Variants in ZYX observed in about 807,000 individuals in gnomAD.
The protein encoded by ZYX is zyxin, also known as zyxin-2.
ZYX carries 37 observed loss-of-function variants against 58.1 expected under a neutral mutation model. The observed-to-expected ratio is 0.64, with a 90% CI of 0.49 to 0.84. ZYX has a LOEUF of 0.84. Among genes scored for constraint, ZYX ranks in the 40% least tolerant of loss-of-function variants. The pLI, the probability that ZYX is intolerant of heterozygous loss-of-function variation, is 0.00. For missense variants in ZYX, 762 were observed against 761.6 expected, an observed-to-expected ratio of 1.00 and a Z score of -0.01; for synonymous variants, 324 against 321.1, an observed-to-expected ratio of 1.01 and a Z score of -0.10.
Position 143,382,947 on chromosome 7 carries a change from T to C in ZYX, c.648T>C (p.Ala216=). The C allele has an allele frequency of 6.2e-7, 1 of 1,613,710 alleles. No homozygotes were observed. Among genetic ancestry groups the C allele is most frequent in the Non-Finnish European group, 8.5e-7 (1 of 1,179,748 alleles). Residue 216 remains alanine (A), a synonymous_variant, in exon 5 of 10, where the codon GCT becomes GCC. Coordinates refer to ENST00000322764, the MANE Select transcript of ZYX (RefSeq NM_003461.5). ...CTCTGCCCCAGGTTCCGGCTCCGGC[T>C]CAGAGCCAGACACAGTTCCATGTTC... ...SQPLPQVPAP[A]QSQTQFHVQP...
In ZYX at chr7:143,390,061, C is replaced by T. The variant is rs1805014282; in HGVS notation, c.1614+84C>T. The T allele has an allele frequency of 1.9e-6, 3 of 1,566,148 alleles. No individual in the cohort carries two copies. The highest frequency in any genetic ancestry group is 2.6e-6 in the Non-Finnish European group (3 of 1,149,006). On this transcript the variant is annotated intron_variant, in intron 9 of 9. Transcript: ENST00000322764. The surrounding 1 kb of genome is among the most constrained non-coding windows in gnomAD (Gnocchi z 4.3). ...TGCTTACTAACTGGGAGGTGGAAAG[C>T]ACCAGCATTCAGGAAACAGGGCTGT...
rs1804770396 is a variant in ZYX at position 143,384,084 on chromosome 7, T to G, written c.1023+762T>G. 1 of 441,034 alleles carries G rather than the reference T, an allele frequency of 2.3e-6. No individual in the cohort carries two copies. The highest frequency in any genetic ancestry group is 4.7e-6 in the Non-Finnish European group (1 of 211,548). 27.3% of individuals were successfully genotyped at this position (441,034 alleles called of 1,614,324 possible). A position where few individuals can be genotyped will look rare whatever the true frequency, so the allele number is the denominator to read the frequency against. On this transcript the variant is annotated intron_variant, in intron 5 of 9. Coordinates refer to ENST00000322764, the MANE Select transcript of ZYX (RefSeq NM_003461.5). The surrounding 1 kb of genome is among the most constrained non-coding windows in gnomAD (Gnocchi z 4.9). The stretch of plus-strand genomic sequence containing the variant: ...CTGTAATTACAAAATGGTTCTTGCC[T>G]TCTAGTTCAGGAAATAAGATCGTCC...
At chr7:143,382,173 A>T in intron 2 of ZYX, 75 bp from the exon 3 acceptor site, 1 of 1,258,428 alleles carries the variant, frequency 7.9e-7, no homozygotes, top group Non-Finnish European at 1.1e-6. Context: ...GTTAGGGGTT[A>T]GAGCGGTTAA....
Position 143,388,154 on chromosome 7 carries a change from C to A in ZYX, c.1024-65C>A. On this transcript the variant is annotated intron_variant, in intron 5 of 9. Coordinates refer to ENST00000322764, the MANE Select transcript of ZYX (RefSeq NM_003461.5). This position sits in a 1 kb window ranked among gnomAD's most constrained non-coding sequence, Gnocchi z 7.5. ...GCCTCATCGGAAGAAGCCGGGTAGG[C>A]TGGCCTGGGAAGGTTCTTGGAGGCA... 6.6e-7 allele frequency: 1 copy of A among 1,526,382 alleles called. No individual in the cohort carries two copies. The highest frequency in any genetic ancestry group is 1.2e-5 in the South Asian group (1 of 80,950). 94.6% of individuals were successfully genotyped at this position (1,526,382 alleles called of 1,614,324 possible). A position where few individuals can be genotyped will look rare whatever the true frequency, so the allele number is the denominator to read the frequency against.
Position 143,388,195 on chromosome 7 carries a change from G to A in ZYX, c.1024-24G>A. 1 of 1,579,542 alleles carries A rather than the reference G, an allele frequency of 6.3e-7. No homozygotes were observed. Among genetic ancestry groups the A allele is most frequent in the Non-Finnish European group, 8.6e-7 (1 of 1,162,630 alleles). The stretch of plus-strand genomic sequence containing the variant: ...CTTGGAGGCAGCAGCCCTCTAGAGT[G>A]TGAGGAAAATGTTGGGATTGCAGGT... On this transcript the variant is annotated intron_variant, in intron 5 of 9. Coordinates refer to ENST00000322764, the MANE Select transcript of ZYX (RefSeq NM_003461.5). The surrounding 1 kb of genome is among the most constrained non-coding windows in gnomAD (Gnocchi z 7.5).
chr7:143,388,397 G>A lies in ZYX; in HGVS notation c.1144+58G>A, dbSNP rs1804944179. On this transcript the variant is annotated intron_variant, in intron 6 of 9. Transcript: ENST00000322764. The surrounding 1 kb of genome is among the most constrained non-coding windows in gnomAD (Gnocchi z 7.5). ...GCCCCCACATCACGGTGGGGGCCAG[G>A]GCTGTGGCTCCACTCCCTATCTGAG... 1.9e-6 allele frequency: 3 copies of A among 1,609,538 alleles called. No individual in the cohort carries two copies. The highest frequency in any genetic ancestry group is 2.5e-6 in the Non-Finnish European group (3 of 1,177,014).
At chr7:143,381,830 G>A in intron 2 of ZYX, 51 bp downstream of exon 2, 1 of 1,469,682 alleles carries the variant, frequency 6.8e-7, no homozygotes, top group East Asian at 2.5e-5. Context: ...GGGGTGGGGG[G>A]CAGTCGTTTC....
At chr7:143,385,484 A>G (rs935397863) in intron 5 of ZYX, among the ~76,000 whole-genome samples, 5 of 151,392 alleles carry the variant, frequency 3.3e-5, no homozygotes, top group African/African-American at 1.2e-4. Flanking sequence ...GTATGTGTAT[A>G]TGAGTACATG....
rs74875039 is a variant in ZYX at position 143,387,358 on chromosome 7, C to T, written c.1024-861C>T. Among the ~76,000 whole-genome samples the T allele has an allele frequency of 1.6e-3, 251 of 152,176 alleles. 1 individual carries two copies. The highest frequency in any genetic ancestry group is 2.4e-3 in the Non-Finnish European group (161 of 67,986). ...GGAATGAAGGCATCTGCAGGTAGCA[C>T]ACTCAGTGATGGGGCCACAGTCCTG... On this transcript the variant is annotated intron_variant, in intron 5 of 9. Coordinates refer to ENST00000322764, the MANE Select transcript of ZYX (RefSeq NM_003461.5). This position sits in a 1 kb window ranked among gnomAD's most constrained non-coding sequence, Gnocchi z 5.8.
chr7:143,387,523 C>T lies in ZYX; in HGVS notation c.1024-696C>T, dbSNP rs113339382. 3.3e-5 allele frequency among the ~76,000 whole-genome samples: 5 copies of T among 152,280 alleles called. No individual in the cohort carries two copies. Among genetic ancestry groups the T allele is most frequent in the African/African-American group, 1.2e-4 (5 of 41,558 alleles). On this transcript the variant is annotated intron_variant, in intron 5 of 9. Coordinates refer to ENST00000322764, the MANE Select transcript of ZYX (RefSeq NM_003461.5). This position sits in a 1 kb window ranked among gnomAD's most constrained non-coding sequence, Gnocchi z 5.8. The stretch of plus-strand genomic sequence containing the variant: ...CTCTCAGGGTTACTGGCAGCGCTGT[C>T]CTTAACATCCACCCCCCACTCCAGT...
chr7:143,388,659 G>C lies in ZYX; in HGVS notation c.1314+1G>C. On this transcript the variant is annotated splice_donor_variant, in intron 7 of 9. Coordinates refer to ENST00000322764, the MANE Select transcript of ZYX (RefSeq NM_003461.5). LOFTEE classifies it high-confidence loss of function. This position sits in a 1 kb window ranked among gnomAD's most constrained non-coding sequence, Gnocchi z 7.5. ...GCCGTACTGCGAGGGCTGTTACACT[G>C]TGAGTCGGGCTGTGCTGGGCTGTGC... The C allele has an allele frequency of 6.2e-7, 1 of 1,610,922 alleles. No homozygotes were observed. Among genetic ancestry groups the C allele is most frequent in the Non-Finnish European group, 8.5e-7 (1 of 1,178,406 alleles).
At position 143,388,434 on chromosome 7, in the gene ZYX, C is replaced by T. The variant is rs1804945221; in HGVS notation, c.1145-55C>T. Reference sequence around the variant, plus strand: ...ACTCCCTATCTGAGCTGGCTGATCCCTCGCAGCTCTACATACTTCCTTCTA... The same window carrying T: ...ACTCCCTATCTGAGCTGGCTGATCCTTCGCAGCTCTACATACTTCCTTCTA... On this transcript the variant is annotated intron_variant, in intron 6 of 9. Coordinates refer to ENST00000322764, the MANE Select transcript of ZYX (RefSeq NM_003461.5). This position sits in a 1 kb window ranked among gnomAD's most constrained non-coding sequence, Gnocchi z 7.5. 1 of 1,604,798 alleles carries T rather than the reference C, an allele frequency of 6.2e-7. No homozygotes were observed. The highest frequency in any genetic ancestry group is 8.5e-7 in the Non-Finnish European group (1 of 1,173,638).
At chr7:143,385,377 A>G (rs1320053743) in intron 5 of ZYX, among the ~76,000 whole-genome samples, 1 of 150,066 alleles carries the variant, frequency 6.7e-6, no homozygotes, top group African/African-American at 2.5e-5. Flanking sequence ...TGTGTGTGTT[A>G]GTGTGTGGGT....
At chr7:143,381,520 C>G in intron 1 of ZYX, 37 bp from the exon 2 acceptor site, 2 of 1,571,474 alleles carry the variant, frequency 1.3e-6, no homozygotes, top group East Asian at 2.4e-5. Flanking sequence ...GCTCCTGAGC[C>G]CGGCTCCGCG....
At position 143,390,093 on chromosome 7, in the gene ZYX, G is replaced by C; in HGVS notation, c.1614+116G>C. 1.4e-6 allele frequency: 2 copies of C among 1,475,032 alleles called. No individual in the cohort carries two copies. The allele number at this position is 1,475,032 out of a possible 1,614,324, so 91.4% of individuals were successfully genotyped here. On this transcript the variant is annotated intron_variant, in intron 9 of 9. Transcript: ENST00000322764. The surrounding 1 kb of genome is among the most constrained non-coding windows in gnomAD (Gnocchi z 4.3). ...ATTCAGGAAACAGGGCTGTGATTTT[G>C]AGGGTGGCTCATGGTGGCACCCCAT...
rs1361573306 is a variant in ZYX, at chr7:143,384,193, T to C, written c.1023+871T>C. On this transcript the variant is annotated intron_variant, in intron 5 of 9. Transcript: ENST00000322764. This position sits in a 1 kb window ranked among gnomAD's most constrained non-coding sequence, Gnocchi z 4.9. ...TGATAGTGTTGATGTCTACCTACACTCGGACACAGCATAGGAAGAAATGCC... is the reference window on the plus strand; with the variant it reads ...TGATAGTGTTGATGTCTACCTACACCCGGACACAGCATAGGAAGAAATGCC... The C allele has an allele frequency of 1.3e-5, 6 of 471,622 alleles. No individual in the cohort carries two copies. In the Admixed American group the frequency reaches 1.4e-4, roughly 11 times the overall value. The allele number at this position is 471,622 out of a possible 1,614,324, so 29.2% of individuals were successfully genotyped here.
chr7:143,390,362 C>T lies in ZYX; in HGVS notation c.1615-216C>T. 1 of 584,640 alleles carries T rather than the reference C, an allele frequency of 1.7e-6. No homozygotes were observed. Among genetic ancestry groups the T allele is most frequent in the Non-Finnish European group, 3.1e-6 (1 of 326,626 alleles). The allele number at this position is 584,640 out of a possible 1,614,324, so 36.2% of individuals were successfully genotyped here. A position where few individuals can be genotyped will look rare whatever the true frequency, so the allele number is the denominator to read the frequency against. Reference sequence around the variant, plus strand: ...AGGGGAGCAAGCACCTTGGGAGCAGCTCTACCCACTGCTTGCCCTCTTGCA... The same window carrying T: ...AGGGGAGCAAGCACCTTGGGAGCAGTTCTACCCACTGCTTGCCCTCTTGCA... On this transcript the variant is annotated intron_variant, in intron 9 of 9. Coordinates refer to ENST00000322764, the MANE Select transcript of ZYX (RefSeq NM_003461.5). The surrounding 1 kb of genome is among the most constrained non-coding windows in gnomAD (Gnocchi z 4.3).
In ZYX at chr7:143,389,455, C is replaced by T. The variant is rs146096671; in HGVS notation, c.1494-402C>T. On this transcript the variant is annotated intron_variant, in intron 8 of 9. Coordinates refer to ENST00000322764, the MANE Select transcript of ZYX (RefSeq NM_003461.5). This position sits in a 1 kb window ranked among gnomAD's most constrained non-coding sequence, Gnocchi z 5.6. ...GGGTGGCCACAACTTCACATCCCTC[C>T]ACAGTGCCAGACAGTCAGGGCAGAG... is the stretch of plus-strand genomic sequence containing the variant. Among the ~76,000 whole-genome samples the T allele has an allele frequency of 4.6e-3, 694 of 152,250 alleles. 6 individuals are homozygous for T. The highest frequency in any genetic ancestry group is 0.016 in the African/African-American group (665 of 41,544).
rs1183571043 is a variant in ZYX, at chr7:143,389,833, G to T, written c.1494-24G>T. ...GGGGATGAAAGCCCTGGCTAACTCG[G>T]CTGGCCCTTTCTGCCCCTTCCAGGC... On this transcript the variant is annotated intron_variant, in intron 8 of 9. Transcript: ENST00000322764. This position sits in a 1 kb window ranked among gnomAD's most constrained non-coding sequence, Gnocchi z 5.6. 4 of 1,612,506 alleles carry T rather than the reference G, an allele frequency of 2.5e-6. No homozygotes were observed. Among genetic ancestry groups the T allele is most frequent in the Middle Eastern group, 1.6e-4 (1 of 6,066 alleles).
Sources: allele counts gnomAD v4.1 joint callset (sites outside exome capture counted in the v4.1 genomes callset), GRCh38; gene constraint gnomAD v4.1.1; non-coding constraint Gnocchi (gnomAD v3.1); transcripts MANE v1.5; gene names NCBI Gene and HGNC (gene_info 2026-07-23, HGNC 2026-07-21).